WWOX: variants seen among roughly 807,000 people sequenced by gnomAD.
WWOX encodes the protein WW domain containing oxidoreductase.
A neutral mutation model predicts 46.2 loss-of-function variants in WWOX; 69 were observed. The ratio of observed to expected loss-of-function variants is 1.49; its 90% CI spans 1.23 to 1.82. The LOEUF (loss-of-function observed/expected upper bound fraction) is 1.82. WWOX is among the 40% of genes most tolerant of loss of function. The pLI is 0.00. For synonymous variants in WWOX, 359 were observed against 202.6 expected (o/e 1.77, Z -6.56); for missense variants, 919 against 542.6 (o/e 1.69, Z -6.89).
At chr16:78,651,210 C>A (rs1480375431) in intron 8 of WWOX, among the ~76,000 whole-genome samples, 4 of 152,242 alleles carry the variant, frequency 2.6e-5, no homozygotes, top group Admixed American at 2.6e-4. Flanking sequence ...TTTACTTAAT[C>A]TGCCCTCTTT....
At chr16:78,489,197 G>C (rs2084715695) in intron 8 of WWOX, among the ~76,000 whole-genome samples, 1 of 152,200 alleles carries the variant, frequency 6.6e-6, no homozygotes. Flanking sequence ...TCTGTGAAGT[G>C]AGTCTAACCA....
chr16:78,951,762 A>G (rs896972118), intron 8 of WWOX, among the ~76,000 whole-genome samples: 1 of 152,116 alleles, frequency 6.6e-6, no homozygotes, highest in Non-Finnish European at 1.5e-5. Flanking sequence ...AGAGAGCCAC[A>G]TACTTACAGT....
At chr16:78,502,190 A>G (rs1264384050) in intron 8 of WWOX, among the ~76,000 whole-genome samples, 1 of 152,132 alleles carries the variant, frequency 6.6e-6, no homozygotes, top group African/African-American at 2.4e-5. Context: ...AGTTTTATTG[A>G]TATATAATGT....
intron 8 of WWOX, among the ~76,000 whole-genome samples, chr16:78,954,710 G>T (rs1278721447): frequency 6.6e-6 from 1 of 152,150 alleles, no homozygotes; most frequent in Non-Finnish European, 1.5e-5. Context: ...GGTGAGGGGT[G>T]GTGGGTGCCA....
At chr16:79,151,395 A>G (rs1253573483) in intron 8 of WWOX, among the ~76,000 whole-genome samples, 3 of 152,176 alleles carry the variant, frequency 2.0e-5, no homozygotes, top group African/African-American at 7.2e-5. Flanking sequence ...CCTAGACATG[A>G]AGAGTATGTG....
rs540209319 is a variant in WWOX at position 78,171,727 on chromosome 16, G to A, written c.516+7438G>A. Among the ~76,000 whole-genome samples the A allele has an allele frequency of 1.2e-4, 19 of 152,152 alleles. No homozygotes were observed. The South Asian group carries it at 3.9e-3, about 32-fold the overall frequency. ...TCCTCATTTCTTTGCTTTACAAATTGTTTTTCTGTATAGTATTGGATTTTC... is the reference window on the plus strand; with the variant it reads ...TCCTCATTTCTTTGCTTTACAAATTATTTTTCTGTATAGTATTGGATTTTC... On this transcript the variant is annotated intron_variant, in intron 5 of 8. Transcript: ENST00000566780.
At chr16:78,924,708 C>A (rs1264706072) in intron 8 of WWOX, among the ~76,000 whole-genome samples, 2 of 152,132 alleles carry the variant, frequency 1.3e-5, no homozygotes, top group Non-Finnish European at 2.9e-5. Flanking sequence ...CCATTAATAC[C>A]TTGAATAAGT....
At chr16:78,929,010 G>A (rs899120796) in intron 8 of WWOX, among the ~76,000 whole-genome samples, 5 of 152,066 alleles carry the variant, frequency 3.3e-5, no homozygotes, top group Admixed American at 1.3e-4. Context: ...TATAATATAC[G>A]TTCACATATA....
chr16:78,724,724 GA>G (rs1413103398), intron 8 of WWOX, among the ~76,000 whole-genome samples: 1 of 152,106 alleles, frequency 6.6e-6, no homozygotes, highest in African/African-American at 2.4e-5. Flanking sequence ...TGTAAGCTCT[GA>G]ATAAATATTA....
intron 5 of WWOX, chr16:78,269,125 C>T (rs1170872263): frequency 6.6e-6 from 1 of 152,180 alleles, no homozygotes; most frequent in Non-Finnish European, 1.5e-5. Context: ...TGTAATATTC[C>T]ACAACCCAGA....
intron 8 of WWOX, among the ~76,000 whole-genome samples, chr16:79,128,253 G>C (rs960534369): frequency 2.0e-5 from 3 of 151,986 alleles, no homozygotes; most frequent in Admixed American, 1.3e-4. Flanking sequence ...GATCCCATTG[G>C]AGAAATCTTT....
chr16:78,362,850 A>G (rs1371781976), intron 5 of WWOX, among the ~76,000 whole-genome samples: 2 of 152,182 alleles, frequency 1.3e-5, no homozygotes, highest in Non-Finnish European at 2.9e-5. Flanking sequence ...TTTTGCTTGC[A>G]AAGATGAGGG....
At chr16:78,336,597 C>T (rs2080894742) in intron 5 of WWOX, among the ~76,000 whole-genome samples, 1 of 150,870 alleles carries the variant, frequency 6.6e-6, no homozygotes, top group Non-Finnish European at 1.5e-5. Context: ...GTGTTGAGGA[C>T]CTGTCAAACA....
intron 8 of WWOX, among the ~76,000 whole-genome samples, chr16:79,071,473 G>A (rs2048550028): frequency 6.6e-6 from 1 of 152,158 alleles, no homozygotes; most frequent in African/African-American, 2.4e-5. Context: ...CCCAAACCAA[G>A]TTTCATTTTG....
intron 8 of WWOX, among the ~76,000 whole-genome samples, chr16:79,129,349 A>T (rs2049828116): frequency 6.8e-6 from 1 of 147,962 alleles, no homozygotes; most frequent in South Asian, 2.2e-4. Flanking sequence ...ATAGTCACAC[A>T]CCTCTCAGTG....
chr16:79,025,909 C>G lies in WWOX; in HGVS notation c.1057-185699C>G, dbSNP rs563584913. Among the ~76,000 whole-genome samples, 4 of 145,822 alleles carry G rather than the reference C, an allele frequency of 2.7e-5. No homozygotes were observed. In the Admixed American group the frequency reaches 2.8e-4, roughly 10 times the overall value. Reference sequence around the variant, plus strand: ...CGCCTCCTGGGTTCAAGTGATTCTCCTGCCTCACCCTCCCGAGTAGCTGGG... The same window carrying G: ...CGCCTCCTGGGTTCAAGTGATTCTCGTGCCTCACCCTCCCGAGTAGCTGGG... On this transcript the variant is annotated intron_variant, in intron 8 of 8. Transcript: ENST00000566780.
intron 8 of WWOX, among the ~76,000 whole-genome samples, chr16:78,777,685 C>G (rs1195512915): frequency 6.6e-6 from 1 of 152,106 alleles, no homozygotes; most frequent in Non-Finnish European, 1.5e-5. Context: ...CAAGCCTTTA[C>G]CTAAAAAGGT....
chr16:78,830,208 G>T (rs2051778479), intron 8 of WWOX, among the ~76,000 whole-genome samples: 1 of 152,176 alleles, frequency 6.6e-6, no homozygotes, highest in African/African-American at 2.4e-5. Flanking sequence ...ATGAAGGAAA[G>T]AAGCAGTGTT....
chr16:79,107,720 C>A (rs1370303354), intron 8 of WWOX, among the ~76,000 whole-genome samples: 3 of 152,156 alleles, frequency 2.0e-5, no homozygotes, highest in Admixed American at 1.3e-4. Context: ...CACATCCTTC[C>A]CCCAGAAATT....
Sources: allele counts gnomAD v4.1 joint callset (sites outside exome capture counted in the v4.1 genomes callset), GRCh38; gene constraint gnomAD v4.1.1; transcripts MANE v1.5; gene names NCBI Gene and HGNC (gene_info 2026-07-23, HGNC 2026-07-21).